CCNT1: variants seen among roughly 807,000 people sequenced by gnomAD.
CCNT1 encodes cyclin-T1.
Under a neutral mutation model 67.3 loss-of-function variants are expected in CCNT1, and 18 were observed. That is an observed-to-expected ratio of 0.27 (90% confidence interval 0.18 to 0.40). The LOEUF (loss-of-function observed/expected upper bound fraction) is 0.40, where lower values mean the gene tolerates loss of function less well. Ranked by LOEUF, CCNT1 falls within the 10% of genes least tolerant of loss-of-function variation. The pLI, the probability that CCNT1 is intolerant of heterozygous loss-of-function variation, is 1.00. For missense variants in CCNT1, 744 were observed against 884.9 expected (o/e 0.84, Z 2.02); for synonymous variants, 333 against 310.3 (o/e 1.07, Z -0.77).
intron 2 of CCNT1, among the ~76,000 whole-genome samples, chr12:48,709,061 G>A (rs1168744874): frequency 1.3e-5 from 2 of 152,156 alleles, no homozygotes; most frequent in Non-Finnish European, 2.9e-5. Context: ...TAGCCTAGGT[G>A]ACAGAGTAAA....
chr12:48,707,734 T>C (rs1018558258), intron 2 of CCNT1, among the ~76,000 whole-genome samples: 3 of 152,152 alleles, frequency 2.0e-5, no homozygotes, highest in Admixed American at 2.0e-4. Flanking sequence ...TGATGGTAGG[T>C]AAAACTAGGA....
At chr12:48,701,213 C>T (rs917760091) in intron 3 of CCNT1, 140 bp from the exon 4 acceptor site, 14 of 178,824 alleles carry the variant, frequency 7.8e-5, no homozygotes, top group Non-Finnish European at 1.6e-4. Context: ...AACTGAAATA[C>T]AATCTTTTTT....
intron 2 of CCNT1, among the ~76,000 whole-genome samples, chr12:48,706,444 G>A (rs1459157313): frequency 2.0e-5 from 3 of 152,218 alleles, no homozygotes; most frequent in East Asian, 1.9e-4. Flanking sequence ...TTCATTGTAC[G>A]TGAATTATAT....
chr12:48,696,627 G>C (rs971421007), intron 6 of CCNT1, among the ~76,000 whole-genome samples: 1 of 152,102 alleles, frequency 6.6e-6, no homozygotes, highest in Non-Finnish European at 1.5e-5. Context: ...AAAATAATTT[G>C]TCTCTCACCA....
At chr12:48,701,095 T>C in intron 3 of CCNT1, 22 bp from the exon 4 acceptor site, 1 of 1,475,468 alleles carries the variant, frequency 6.8e-7, no homozygotes, top group Admixed American at 1.8e-5. Flanking sequence ...AAGACAGAAA[T>C]TATTCCCTAC....
chr12:48,701,373 G>A (rs1236032909), intron 3 of CCNT1, among the ~76,000 whole-genome samples: 1 of 151,216 alleles, frequency 6.6e-6, no homozygotes, highest in Non-Finnish European at 1.5e-5. Context: ...TTCCAGGCGC[G>A]CAACACCACG....
At chr12:48,702,000 G>A (rs1592121862) in intron 3 of CCNT1, among the ~76,000 whole-genome samples, 1 of 150,146 alleles carries the variant, frequency 6.7e-6, no homozygotes, top group Non-Finnish European at 1.5e-5. Flanking sequence ...AGGTTCAAGC[G>A]ATTCTCCTGC....
chr12:48,691,219 AATTCC>A lies in CCNT1; in HGVS notation c.*1809_*1813del, dbSNP rs1176358233. 2 of 152,140 alleles carry A rather than the reference AATTCC, an allele frequency of 1.3e-5. No individual in the cohort carries two copies. Among genetic ancestry groups the A allele is most frequent in the Non-Finnish European group, 2.9e-5 (2 of 68,024 alleles). The allele number at this position is 152,140 out of a possible 1,614,324, so 9.4% of individuals were successfully genotyped here. A position where few individuals can be genotyped will look rare whatever the true frequency, so the allele number is the denominator to read the frequency against. On this transcript the variant is annotated 3_prime_UTR_variant, in exon 9 of 9. Coordinates refer to ENST00000261900, the MANE Select transcript of CCNT1 (RefSeq NM_001240.4). ...CAGTTAACGTTTACTCCTGCCTACA[AATTCC>A]TTTCTATATTAGGCCAGTACATCAT...
chr12:48,712,136 A>C (rs1349355254), intron 2 of CCNT1, among the ~76,000 whole-genome samples: 1 of 152,122 alleles, frequency 6.6e-6, no homozygotes, highest in Admixed American at 6.6e-5. Flanking sequence ...TTTCCTGTGC[A>C]GTTACTCCCA....
rs140531402 is a variant in CCNT1, at chr12:48,702,746, G to C, written c.373-1673C>G. 6.0e-3 allele frequency among the ~76,000 whole-genome samples: 907 copies of C among 152,262 alleles called. 11 individuals carry two copies. Among genetic ancestry groups the C allele is most frequent in the African/African-American group, 0.021 (853 of 41,540 alleles). On this transcript the variant is annotated intron_variant, in intron 3 of 8. Coordinates refer to ENST00000261900, the MANE Select transcript of CCNT1 (RefSeq NM_001240.4). ...GGCAGAGAATTTCTTGAACCTGGGA[G>C]GTGGAGGTTGCAGTGAGCTGAGATC...
chr12:48,698,292 T>TAGA (rs1940211687), intron 5 of CCNT1, 109 bp from the exon 6 acceptor site: 1 of 736,206 alleles, frequency 1.4e-6, no homozygotes, highest in African/African-American at 1.8e-5. Flanking sequence ...GTACTGTGAA[T>TAGA]ATAGTGGCAA....
At chr12:48,716,217 GAGC>G (rs1940529809) in intron 1 of CCNT1, among the ~76,000 whole-genome samples, 2 of 152,240 alleles carry the variant, frequency 1.3e-5, no homozygotes, top group Non-Finnish European at 2.9e-5. Flanking sequence ...AACGTCACCA[GAGC>G]AGATCAGAAC....
At position 48,709,895 on chromosome 12, in the gene CCNT1, A is replaced by ATTT. The variant is rs202022157; in HGVS notation, c.244-4002_244-4000dup. Among the ~76,000 whole-genome samples, 181 of 142,806 alleles carry ATTT rather than the reference A, an allele frequency of 1.3e-3. 4 individuals are homozygous for ATTT. The highest frequency in any genetic ancestry group is 3.9e-3 in the African/African-American group (154 of 39,098). 93.7% of individuals were successfully genotyped at this position (142,806 alleles called of 152,430 possible). On this transcript the variant is annotated intron_variant, in intron 2 of 8. Coordinates refer to ENST00000261900, the MANE Select transcript of CCNT1 (RefSeq NM_001240.4). ...TATTATAATATCTTTGGGTTTCTTC[A>ATTT]TTTTTTTTTTTTTGAGATGGAGTCT...
intron 1 of CCNT1, among the ~76,000 whole-genome samples, chr12:48,715,947 CTGGACACAG>C (rs1940526625): frequency 6.6e-6 from 1 of 152,196 alleles, no homozygotes; most frequent in Admixed American, 6.5e-5. Flanking sequence ...AAGCACTGTG[CTGGACACAG>C]AATCAAACAC....
intron 5 of CCNT1, among the ~76,000 whole-genome samples, chr12:48,698,491 TTAAA>T (rs1940215979): frequency 6.6e-6 from 1 of 152,164 alleles, no homozygotes; most frequent in Non-Finnish European, 1.5e-5. Context: ...TAAAATTTAA[TTAAA>T]TGTTTGGAGA....
intron 3 of CCNT1, among the ~76,000 whole-genome samples, chr12:48,705,180 T>C: frequency 6.6e-6 from 1 of 152,212 alleles, no homozygotes; most frequent in East Asian, 1.9e-4. Flanking sequence ...GGTGTGATCA[T>C]GGCTCACTGC....
intron 1 of CCNT1, among the ~76,000 whole-genome samples, chr12:48,715,913 CTACT>C (rs953703008): frequency 7.9e-5 from 12 of 152,162 alleles, no homozygotes; most frequent in Non-Finnish European, 1.6e-4. Context: ...AAAACAGTAG[CTACT>C]AACTGAGCAT....
Position 48,705,904 on chromosome 12 carries a change from G to A in CCNT1, c.244-8C>T. Reference sequence around the variant, plus strand: ...GGCTGCTGGAGCCACAGACTGAATGGAGAGAAAATAAATCATATTTATTAT... The same window carrying A: ...GGCTGCTGGAGCCACAGACTGAATGAAGAGAAAATAAATCATATTTATTAT... On this transcript the variant is annotated splice_region_variant and splice_polypyrimidine_tract_variant and intron_variant, in intron 2 of 8. Coordinates refer to ENST00000261900, the MANE Select transcript of CCNT1 (RefSeq NM_001240.4). The A allele has an allele frequency of 5.0e-6, 8 of 1,605,486 alleles. No individual in the cohort carries two copies. The highest frequency in any genetic ancestry group is 6.8e-6 in the Non-Finnish European group (8 of 1,177,528).
At chr12:48,713,245 G>A (rs1341069256) in intron 2 of CCNT1, among the ~76,000 whole-genome samples, 1 of 148,924 alleles carries the variant, frequency 6.7e-6, no homozygotes, top group African/African-American at 2.5e-5. Flanking sequence ...GTGTTGCCCA[G>A]GCTGGTCTCC....
Sources: allele counts gnomAD v4.1 joint callset (sites outside exome capture counted in the v4.1 genomes callset), GRCh38; gene constraint gnomAD v4.1.1; transcripts MANE v1.5; gene names NCBI Gene and HGNC (gene_info 2026-07-23, HGNC 2026-07-21).